AGO3: variants seen among roughly 807,000 people sequenced by gnomAD.
AGO3 encodes argonaute RISC catalytic component 3, also known as protein argonaute-3.
Under a neutral mutation model 105.5 loss-of-function variants are expected in AGO3, and 16 were observed. The observed-to-expected ratio is 0.15, with a 90% confidence interval of 0.10 to 0.23. The LOEUF is 0.23. AGO3 is among the 10% of genes least tolerant of loss of function. AGO3 has a pLI of 1.00. For missense variants in AGO3, 534 were observed against 1,088.0 expected (o/e 0.49, Z 7.16); for synonymous variants, 340 against 367.3 (o/e 0.93, Z 0.85).
rs140080816 is a variant in AGO3, at chr1:35,978,265, C to G, written c.658+4754C>G. On this transcript the variant is annotated intron_variant, in intron 5 of 18. Transcript: ENST00000373191. ...AGTGTAGTGGCTCGATCTCGACTCA[C>G]TGCAACCTCCGCCTCCCTGGTTCAA... Among the ~76,000 whole-genome samples the G allele has an allele frequency of 7.5e-3, 1,138 of 152,280 alleles. 13 individuals are homozygous for G. Among genetic ancestry groups the G allele is most frequent in the Admixed American group, 0.011 (175 of 15,300 alleles).
At position 35,972,248 on chromosome 1, in the gene AGO3, T is replaced by C. The variant is rs1431299969; in HGVS notation, c.521+16T>C. The C allele has an allele frequency of 6.2e-7, 1 of 1,611,796 alleles. No homozygotes were observed. Among genetic ancestry groups the C allele is most frequent in the Non-Finnish European group, 8.5e-7 (1 of 1,179,196 alleles). On this transcript the variant is annotated intron_variant, in intron 4 of 18. Coordinates refer to ENST00000373191, the MANE Select transcript of AGO3 (RefSeq NM_024852.4). ...CCTCCATGAAGTGGGTGCTTCTGCT[T>C]TTTTTCTCTTTAGATTTTAAACTCC...
rs941804433 is a variant in AGO3, at chr1:36,043,493, A to C, written c.2219A>C (p.Asp740Ala). 1 of 1,614,080 alleles carries C rather than the reference A, an allele frequency of 6.2e-7. No homozygotes were observed. The highest frequency in any genetic ancestry group is 1.1e-5 in the South Asian group (1 of 91,058). The part of the protein sequence containing the change: ...NIPAGTTVDT[D>A]ITHPYEFDFY... ...CCAGCTGGAACAACAGTTGATACAG[A>C]CATTACACACCCATATGAGTTCGAT... Residue 740 changes from aspartate to alanine, a missense_variant, in exon 17 of 19, where the codon GAC (aspartate) becomes GCC (alanine). Physicochemically the swap from Asp to Ala is moderately radical, Grantham distance 126. Around this residue, in one of 2 missense-constraint regions of AGO3, gnomAD observed 373 missense variants for 854.0 expected, o/e 0.44. Coordinates refer to ENST00000373191, the MANE Select transcript of AGO3 (RefSeq NM_024852.4).
At position 36,068,034 on chromosome 1, in the gene AGO3, A is replaced by C. The variant is rs1279368297; in HGVS notation, c.*12289A>C. ...CCATTATCTTACTTACTAGAGTGCC[A>C]CCATTCTTATTTGTAATACAATCAG... On this transcript the variant is annotated 3_prime_UTR_variant, in exon 19 of 19. Coordinates refer to ENST00000373191, the MANE Select transcript of AGO3 (RefSeq NM_024852.4). 5 of 152,178 alleles carry C rather than the reference A, an allele frequency of 3.3e-5. No homozygotes were observed. The highest frequency in any genetic ancestry group is 7.3e-5 in the Non-Finnish European group (5 of 68,038). 9.4% of individuals were successfully genotyped at this position (152,178 alleles called of 1,614,324 possible). A position where few individuals can be genotyped will look rare whatever the true frequency, so the allele number is the denominator to read the frequency against.
At chr1:35,987,503 C>A (rs1647239626) in intron 5 of AGO3, among the ~76,000 whole-genome samples, 1 of 151,134 alleles carries the variant, frequency 6.6e-6, no homozygotes, top group Non-Finnish European at 1.5e-5. Context: ...AAAAAAAAAG[C>A]AAAAGGATAT....
Position 35,943,643 on chromosome 1 carries a change from A to G in AGO3, c.20-2049A>G, listed in dbSNP as rs1332752679. Among the ~76,000 whole-genome samples, 18 of 102,340 alleles carry G rather than the reference A, an allele frequency of 1.8e-4. No homozygotes were observed. The East Asian group carries it at 5.0e-3, about 28-fold the overall frequency. The allele number at this position is 102,340 out of a possible 152,430, so 67.1% of individuals were successfully genotyped here. A position where few individuals can be genotyped will look rare whatever the true frequency, so the allele number is the denominator to read the frequency against. On this transcript the variant is annotated intron_variant, in intron 1 of 18. Coordinates refer to ENST00000373191, the MANE Select transcript of AGO3 (RefSeq NM_024852.4). ...TTAAGTAAAAGGGTCTCGCGCTATC[A>G]CCCAGGCTGGAGTGCAGTGGCATGA...
At chr1:36,052,997 T>A (rs74900951) in intron 17 of AGO3, among the ~76,000 whole-genome samples, 2,335 of 152,162 alleles carry the variant, frequency 0.015, 50 homozygotes, top group African/African-American at 0.053. Context: ...ATATGACTGG[T>A]TTATATATTT....
At chr1:35,995,026 C>CT (rs1200554889) in intron 5 of AGO3, among the ~76,000 whole-genome samples, 5 of 151,528 alleles carry the variant, frequency 3.3e-5, no homozygotes, top group Non-Finnish European at 7.4e-5. Context: ...CGGTGAAACC[C>CT]TATCTCTACT....
chr1:35,980,854 G>A (rs969915157), intron 5 of AGO3, among the ~76,000 whole-genome samples: 2 of 152,084 alleles, frequency 1.3e-5, no homozygotes, highest in Non-Finnish European at 2.9e-5. Context: ...ACCATTTTGG[G>A]TCAGTTTTAT....
rs1186562202 is a variant in AGO3 at position 35,949,471 on chromosome 1, C to CGTGTGTG, written c.191+3608_191+3609insGTGTGTG. On this transcript the variant is annotated intron_variant, in intron 2 of 18. Coordinates refer to ENST00000373191, the MANE Select transcript of AGO3 (RefSeq NM_024852.4). ...TTGATGTGGTGGCTCAGTTCCTGTGCTTCAACAACTGGAATTCTAGGCGTT... is the reference window on the plus strand; with the variant it reads ...TTGATGTGGTGGCTCAGTTCCTGTGCGTGTGTGTTCAACAACTGGAATTCTAGGCGTT... Among the ~76,000 whole-genome samples the CGTGTGTG allele has an allele frequency of 2.6e-5, 4 of 152,088 alleles. No homozygotes were observed. In the East Asian group the frequency reaches 7.7e-4, roughly 29 times the overall value.
chr1:36,009,391 T>G, intron 8 of AGO3, 84 bp from the exon 9 acceptor site: 1 of 1,440,772 alleles, frequency 6.9e-7, no homozygotes, highest in East Asian at 2.4e-5. Context: ...GATTTTAAAT[T>G]TTTATTTACA....
rs1642944654 is a variant in AGO3 at position 36,057,183 on chromosome 1, T to G, written c.*1438T>G. 1 of 152,218 alleles carries G rather than the reference T, an allele frequency of 6.6e-6. No homozygotes were observed. Among genetic ancestry groups the G allele is most frequent in the African/African-American group, 2.4e-5 (1 of 41,460 alleles). 9.4% of individuals were successfully genotyped at this position (152,218 alleles called of 1,614,324 possible). A position where few individuals can be genotyped will look rare whatever the true frequency, so the allele number is the denominator to read the frequency against. On this transcript the variant is annotated 3_prime_UTR_variant, in exon 19 of 19. Transcript: ENST00000373191. ...TATACATGGAAATTCTTTAAAGGTTTTATAAAGGGTAAATATTTTAAAAGA... is the reference window on the plus strand; with the variant it reads ...TATACATGGAAATTCTTTAAAGGTTGTATAAAGGGTAAATATTTTAAAAGA...
chr1:36,016,342 C>T (rs945341281), intron 11 of AGO3, among the ~76,000 whole-genome samples: 2 of 151,988 alleles, frequency 1.3e-5, no homozygotes, highest in Admixed American at 6.6e-5. Flanking sequence ...CTACTATGCC[C>T]GGCTAATTTT....
chr1:36,046,432 C>G (rs1158177643), intron 17 of AGO3, among the ~76,000 whole-genome samples: 1 of 152,024 alleles, frequency 6.6e-6, no homozygotes, highest in Non-Finnish European at 1.5e-5. Context: ...TGGCTCACAC[C>G]TGTAATCCCA....
intron 5 of AGO3, among the ~76,000 whole-genome samples, chr1:35,977,787 A>G (rs1203438014): frequency 6.6e-6 from 1 of 151,778 alleles, no homozygotes; most frequent in Non-Finnish European, 1.5e-5. Flanking sequence ...CTTTTTTTTC[A>G]GGTAGTGAAA....
At chr1:36,003,514 G>A (rs1640191370) in intron 5 of AGO3, among the ~76,000 whole-genome samples, 1 of 151,450 alleles carries the variant, frequency 6.6e-6, no homozygotes, top group East Asian at 1.9e-4. Context: ...GACCAACACG[G>A]AGAAACCCCG....
Position 36,064,434 on chromosome 1 carries a change from A to G in AGO3, c.*8689A>G, listed in dbSNP as rs1001676243. The G allele has an allele frequency of 2.0e-5, 3 of 152,208 alleles. No individual in the cohort carries two copies. The highest frequency in any genetic ancestry group is 7.2e-5 in the African/African-American group (3 of 41,462). 9.4% of individuals were successfully genotyped at this position (152,208 alleles called of 1,614,324 possible). On this transcript the variant is annotated 3_prime_UTR_variant, in exon 19 of 19. Coordinates refer to ENST00000373191, the MANE Select transcript of AGO3 (RefSeq NM_024852.4). ...TACATGAAAAAAGTATATTCCCTTA[A>G]GCAGGTAAAATACTTGCATTGTATT...
rs188850535 is a variant in AGO3 at position 36,018,849 on chromosome 1, A to G, written c.1406+4801A>G. ...ATGAACTTGGAAAAAATTGAGAGCC[A>G]AAAGCCTCATGATAGCAGAGAAGTC... On this transcript the variant is annotated intron_variant, in intron 11 of 18. Coordinates refer to ENST00000373191, the MANE Select transcript of AGO3 (RefSeq NM_024852.4). 4.0e-3 allele frequency among the ~76,000 whole-genome samples: 606 copies of G among 152,210 alleles called. 14 individuals carry two copies. Among genetic ancestry groups the G allele is most frequent in the Admixed American group, 0.027 (414 of 15,280 alleles).
intron 1 of AGO3, among the ~76,000 whole-genome samples, chr1:35,933,408 T>C (rs568832459): frequency 6.6e-6 from 1 of 151,940 alleles, no homozygotes; most frequent in African/African-American, 2.4e-5. Flanking sequence ...TTTGGGAGGC[T>C]GAGGAAGGAT....
intron 5 of AGO3, among the ~76,000 whole-genome samples, chr1:35,995,558 A>G (rs980035456): frequency 2.6e-5 from 4 of 152,192 alleles, no homozygotes; most frequent in Admixed American, 6.5e-5. Flanking sequence ...TATTAAAAAA[A>G]TTATCCTCTA....
Sources: allele counts gnomAD v4.1 joint callset (sites outside exome capture counted in the v4.1 genomes callset), GRCh38; gene constraint gnomAD v4.1.1; regional missense constraint gnomAD v4.1.1; transcripts MANE v1.5; gene names NCBI Gene and HGNC (gene_info 2026-07-23, HGNC 2026-07-21).